Variants in LRRC4C observed in about 807,000 individuals in gnomAD.
The protein encoded by LRRC4C is leucine-rich repeat-containing protein 4C.
Under a neutral mutation model 33.6 loss-of-function variants are expected in LRRC4C, and 5 were observed. That is an observed-to-expected ratio of 0.15 (90% CI 0.08 to 0.31). The LOEUF (loss-of-function observed/expected upper bound fraction) is 0.31, where lower values mean the gene tolerates loss of function less well. LRRC4C is among the 10% of genes least tolerant of loss of function. The pLI is 1.00. For missense variants in LRRC4C, 560 were observed against 796.7 expected, an observed-to-expected ratio of 0.70 and a Z score of 3.58; for synonymous variants, 329 against 302.0, an observed-to-expected ratio of 1.09 and a Z score of -0.93.
At chr11:40,342,792 C>A (rs1320996717) in intron 3 of LRRC4C, among the ~76,000 whole-genome samples, 1 of 152,112 alleles carries the variant, frequency 6.6e-6, no homozygotes, top group East Asian at 1.9e-4. Flanking sequence ...CAGTTACTGT[C>A]TATTCTACTA....
intron 3 of LRRC4C, among the ~76,000 whole-genome samples, chr11:40,511,549 A>G (rs1224312777): frequency 6.6e-6 from 1 of 152,204 alleles, no homozygotes; most frequent in East Asian, 1.9e-4. Context: ...TATGAATTCA[A>G]TGTAGTGAAG....
intron 2 of LRRC4C, among the ~76,000 whole-genome samples, chr11:40,733,351 A>G (rs928465779): frequency 6.6e-6 from 1 of 152,130 alleles, no homozygotes; most frequent in African/African-American, 2.4e-5. Context: ...CTGGGATTGC[A>G]GGCGTGAGCC....
At chr11:40,281,413 C>T (rs1299208348) in intron 4 of LRRC4C, among the ~76,000 whole-genome samples, 4 of 152,084 alleles carry the variant, frequency 2.6e-5, no homozygotes, top group Admixed American at 2.0e-4. Flanking sequence ...AGAACAGCTG[C>T]GCCAGGATGA....
intron 1 of LRRC4C, among the ~76,000 whole-genome samples, chr11:41,053,173 C>T (rs1425393176): frequency 6.6e-6 from 1 of 152,170 alleles, no homozygotes; most frequent in Non-Finnish European, 1.5e-5. Context: ...TTTGGCAGGG[C>T]ACAGGATTTG....
chr11:40,492,735 C>G (rs1255216564), intron 3 of LRRC4C, among the ~76,000 whole-genome samples: 1 of 152,038 alleles, frequency 6.6e-6, no homozygotes, highest in Non-Finnish European at 1.5e-5. Context: ...AGGAGGATAT[C>G]TAAAAGTGAG....
intron 3 of LRRC4C, among the ~76,000 whole-genome samples, chr11:40,596,474 T>G (rs1591225860): frequency 6.6e-6 from 1 of 152,196 alleles, no homozygotes; most frequent in South Asian, 2.1e-4. Context: ...TCTATTCTTT[T>G]AGTTATTTTA....
chr11:40,658,973 T>C (rs1388693595), intron 2 of LRRC4C, among the ~76,000 whole-genome samples: 2 of 152,182 alleles, frequency 1.3e-5, no homozygotes. Flanking sequence ...ATGAGAGCCC[T>C]GCACCCTAAT....
intron 4 of LRRC4C, among the ~76,000 whole-genome samples, chr11:40,250,403 G>A (rs1020063846): frequency 6.6e-6 from 1 of 151,900 alleles, no homozygotes; most frequent in Non-Finnish European, 1.5e-5. Context: ...TGTGCTTACC[G>A]GGCAGCAGTC....
chr11:40,364,434 C>T (rs774246662), intron 3 of LRRC4C, among the ~76,000 whole-genome samples: 5 of 151,996 alleles, frequency 3.3e-5, no homozygotes, highest in Non-Finnish European at 7.4e-5. Context: ...AATATGTTGT[C>T]TCAGATGAAA....
intron 4 of LRRC4C, among the ~76,000 whole-genome samples, chr11:40,301,883 C>G (rs1393020748): frequency 2.0e-5 from 3 of 152,238 alleles, no homozygotes; most frequent in African/African-American, 4.8e-5. Context: ...AAATGACTCT[C>G]TAAGGGTTGC....
chr11:41,292,667 T>A (rs865887676), intron 1 of LRRC4C, among the ~76,000 whole-genome samples: 9 of 152,164 alleles, frequency 5.9e-5, no homozygotes, highest in South Asian at 4.1e-4. Context: ...CAGTCAATTA[T>A]TTGTTACTAT....
intron 2 of LRRC4C, among the ~76,000 whole-genome samples, chr11:40,896,028 G>C (rs1006710559): frequency 1.3e-5 from 2 of 152,086 alleles, no homozygotes. Context: ...AGCCACCAAG[G>C]GGTTTTAGAT....
At chr11:41,001,670 T>C (rs1308680054) in intron 1 of LRRC4C, among the ~76,000 whole-genome samples, 2 of 152,158 alleles carry the variant, frequency 1.3e-5, no homozygotes, top group East Asian at 1.9e-4. Flanking sequence ...CAACCCTTAG[T>C]TGACCCAAGA....
chr11:40,519,386 C>T (rs1418402251), intron 3 of LRRC4C, among the ~76,000 whole-genome samples: 1 of 152,148 alleles, frequency 6.6e-6, no homozygotes, highest in Non-Finnish European at 1.5e-5. Context: ...TGTTTCATTA[C>T]AATGAAAGTA....
chr11:41,368,179 C>T (rs1952612686), intron 1 of LRRC4C, among the ~76,000 whole-genome samples: 1 of 152,168 alleles, frequency 6.6e-6, no homozygotes, highest in African/African-American at 2.4e-5. Flanking sequence ...TCCTTTGTTT[C>T]AGACAACTGA....
At chr11:40,986,352 C>T (rs760111971) in intron 1 of LRRC4C, among the ~76,000 whole-genome samples, 5 of 152,112 alleles carry the variant, frequency 3.3e-5, no homozygotes, top group Non-Finnish European at 7.3e-5. Flanking sequence ...AATCTCAACA[C>T]TTTTGGAGGC....
intron 3 of LRRC4C, among the ~76,000 whole-genome samples, chr11:40,382,355 T>TA (rs1385007199): frequency 6.6e-6 from 1 of 151,596 alleles, no homozygotes; most frequent in African/African-American, 2.4e-5. Flanking sequence ...TTCCTTTTTT[T>TA]AAAAAAGTCA....
chr11:40,846,908 C>A (rs1953206318), intron 2 of LRRC4C, among the ~76,000 whole-genome samples: 1 of 152,032 alleles, frequency 6.6e-6, no homozygotes, highest in Admixed American at 6.6e-5. Context: ...GTAATTTATT[C>A]TCTTTGTGGC....
intron 1 of LRRC4C, among the ~76,000 whole-genome samples, chr11:41,149,564 G>C (rs1198853992): frequency 6.7e-6 from 1 of 150,040 alleles, no homozygotes; most frequent in Admixed American, 6.6e-5. Context: ...TATTGCTTCA[G>C]TATAGCATTG....
Sources: allele counts gnomAD v4.1 joint callset (sites outside exome capture counted in the v4.1 genomes callset), GRCh38; gene constraint gnomAD v4.1.1; transcripts MANE v1.5; gene names NCBI Gene and HGNC (gene_info 2026-07-23, HGNC 2026-07-21).